Variants in ANKRD11 observed in about 807,000 individuals in gnomAD.
The protein encoded by ANKRD11 is ankyrin repeat domain 11.
In ANKRD11, 17 loss-of-function variants were observed where a neutral mutation model predicts 195.7. That is an observed-to-expected ratio of 0.09 (90% CI 0.06 to 0.13). The LOEUF (loss-of-function observed/expected upper bound fraction) is 0.13, where lower values mean the gene tolerates loss of function less well. Among genes scored for constraint, ANKRD11 ranks in the 10% least tolerant of loss-of-function variants. The pLI is 1.00. For synonymous variants in ANKRD11, 1,953 were observed against 1,528.1 expected (o/e 1.28, Z -6.49); for missense variants, 3,735 against 3,566.1 (o/e 1.05, Z -1.21).
chr16:89,284,218 T>G lies in ANKRD11; in HGVS notation c.2324A>C (p.Lys775Thr). Reference protein sequence around the residue: ...RKKKSKDRPSKLEKKNDLKED... With the variant: ...RKKKSKDRPSTLEKKNDLKED... Reference sequence around the variant, plus strand: ...TTTTAAATCATTCTTCTTCTCTAATTTTGAGGGCCGGTCTTTTGATTTCTT... The same window carrying G: ...TTTTAAATCATTCTTCTTCTCTAATGTTGAGGGCCGGTCTTTTGATTTCTT... Residue 775 changes from lysine (K) to threonine (T), a missense_variant, in exon 9 of 13, where the codon AAA becomes ACA. By Grantham distance (78) the Lys-to-Thr change is moderately conservative. Coordinates refer to ENST00000301030, the MANE Select transcript of ANKRD11 (RefSeq NM_013275.6). The G allele has an allele frequency of 6.2e-7, 1 of 1,612,622 alleles. No homozygotes were observed.
At chr16:89,451,934 T>C (rs1243320721) in intron 1 of ANKRD11, among the ~76,000 whole-genome samples, 1 of 152,172 alleles carries the variant, frequency 6.6e-6, no homozygotes, top group Non-Finnish European at 1.5e-5. Flanking sequence ...AACATGTGTC[T>C]AGACGTTCAA....
chr16:89,432,664 A>G (rs1206839754), intron 1 of ANKRD11, among the ~76,000 whole-genome samples: 4 of 152,220 alleles, frequency 2.6e-5, no homozygotes, highest in Non-Finnish European at 5.9e-5. Flanking sequence ...CTATGTCACC[A>G]CCATACCCGA....
chr16:89,315,028 C>A (rs149296984), intron 3 of ANKRD11, among the ~76,000 whole-genome samples: 261 of 152,318 alleles, frequency 1.7e-3, no homozygotes, highest in Non-Finnish European at 1.3e-3. Context: ...GTTCTGAGGT[C>A]CTGGGACCCC....
At position 89,306,663 on chromosome 16, in the gene ANKRD11, TGCAGACACGTGCCACCTCCCACTCC is replaced by T. The variant is rs71809120; in HGVS notation, c.88-1344_88-1320del. On this transcript the variant is annotated intron_variant, in intron 3 of 12. Transcript: ENST00000301030. ...CGCAGACACGCACCACCTCCCACTG[TGCAGACACGTGCCACCTCCCACTCC>T]GCAGACACGTGCCACCTCCCACTCC... Among the ~76,000 whole-genome samples, 157 of 34,712 alleles carry T rather than the reference TGCAGACACGTGCCACCTCCCACTCC, an allele frequency of 4.5e-3. 21 individuals are homozygous for T. The highest frequency in any genetic ancestry group is 0.036 in the Middle Eastern group (1 of 28). The allele number at this position is 34,712 out of a possible 152,430, so 22.8% of individuals were successfully genotyped here.
At chr16:89,443,256 C>G (rs528681643) in intron 1 of ANKRD11, 1 of 152,318 alleles carries the variant, frequency 6.6e-6, no homozygotes, top group East Asian at 1.9e-4. Flanking sequence ...TGAGCCACCT[C>G]ACCCGGCCTC....
intron 7 of ANKRD11, chr16:89,287,946 A>T: frequency 2.2e-6 from 1 of 449,152 alleles, no homozygotes; most frequent in Middle Eastern, 5.8e-4. Flanking sequence ...TGATGAAGAC[A>T]TCAGTGAGAC....
At chr16:89,410,605 A>C (rs1195704392) in intron 2 of ANKRD11, among the ~76,000 whole-genome samples, 2 of 152,214 alleles carry the variant, frequency 1.3e-5, no homozygotes, top group African/African-American at 2.4e-5. Context: ...AGGTCCCTAA[A>C]GCAGTTGCTA....
intron 2 of ANKRD11, among the ~76,000 whole-genome samples, chr16:89,356,352 G>C (rs2039472245): frequency 2.6e-5 from 4 of 151,770 alleles, no homozygotes; most frequent in Admixed American, 2.6e-4. Flanking sequence ...AGGTGAGAAG[G>C]ATGTGATCCA....
chr16:89,332,515 C>T lies in ANKRD11; in HGVS notation c.-59-15437G>A, dbSNP rs562684826. 5.9e-5 allele frequency among the ~76,000 whole-genome samples: 9 copies of T among 152,370 alleles called. No homozygotes were observed. The East Asian group carries it at 1.5e-3, about 26-fold the overall frequency. Reference sequence around the variant, plus strand: ...GACAAATGCAAGAAAACAGCCTCGTCTGCTCACTGATTCTCACCAACTTCC... The same window carrying T: ...GACAAATGCAAGAAAACAGCCTCGTTTGCTCACTGATTCTCACCAACTTCC... On this transcript the variant is annotated intron_variant, in intron 2 of 12. Transcript: ENST00000301030.
chr16:89,363,586 C>T (rs2039823820), intron 2 of ANKRD11, among the ~76,000 whole-genome samples: 1 of 152,132 alleles, frequency 6.6e-6, no homozygotes, highest in African/African-American at 2.4e-5. Context: ...GAGAAACCAC[C>T]AAAACTTTCT....
In ANKRD11 at chr16:89,282,335, C is replaced by G. The variant is rs542863039; in HGVS notation, c.4207G>C (p.Gly1403Arg). Residue 1403 changes from glycine (G) to arginine (R), a missense_variant, in exon 9 of 13, where the codon GGA becomes CGA. Coordinates refer to ENST00000301030, the MANE Select transcript of ANKRD11 (RefSeq NM_013275.6). ...TCAGCTTTCATGTTGTAAGAAACTC[C>G]GTAAGCATCCGCCTCCAGGAAGTCC... Reference protein sequence around the residue: ...EKDFLEADAYGVSYNMKADIE... With the variant: ...EKDFLEADAYRVSYNMKADIE... 2 of 1,614,172 alleles carry G rather than the reference C, an allele frequency of 1.2e-6. No individual in the cohort carries two copies. Among genetic ancestry groups the G allele is most frequent in the Admixed American group, 1.7e-5 (1 of 60,016 alleles).
At chr16:89,424,836 C>G (rs1167125993) in intron 1 of ANKRD11, among the ~76,000 whole-genome samples, 1 of 152,062 alleles carries the variant, frequency 6.6e-6, no homozygotes, top group Admixed American at 6.5e-5. Flanking sequence ...GGGACGGGGG[C>G]CCCCAGTGGT....
chr16:89,416,705 G>C (rs1462725148), intron 2 of ANKRD11, among the ~76,000 whole-genome samples: 2 of 151,668 alleles, frequency 1.3e-5, no homozygotes, highest in Admixed American at 6.6e-5. Flanking sequence ...TGAGGCAGGA[G>C]GATTGCTTGA....
intron 2 of ANKRD11, among the ~76,000 whole-genome samples, chr16:89,415,389 C>T (rs1241794403): frequency 3.3e-5 from 5 of 150,082 alleles, no homozygotes; most frequent in Admixed American, 2.7e-4. Flanking sequence ...CTCAGCCTCC[C>T]GAGTAGCTGG....
chr16:89,447,990 A>T (rs930010159), intron 1 of ANKRD11, among the ~76,000 whole-genome samples: 5 of 151,436 alleles, frequency 3.3e-5, no homozygotes, highest in Admixed American at 2.0e-4. Flanking sequence ...TTTTTAGTAG[A>T]GACAGGGTTT....
intron 1 of ANKRD11, among the ~76,000 whole-genome samples, chr16:89,485,594 G>A (rs1204367133): frequency 6.6e-6 from 1 of 152,062 alleles, no homozygotes; most frequent in Non-Finnish European, 1.5e-5. Flanking sequence ...GCCCCTTACT[G>A]TAAACCCAAA....
chr16:89,381,331 C>CAAA (rs10567322), intron 2 of ANKRD11, among the ~76,000 whole-genome samples: 18 of 76,354 alleles, frequency 2.4e-4, no homozygotes, highest in African/African-American at 4.0e-4. Context: ...GACTCTGCTG[C>CAAA]AAAAAAAAAA....
At chr16:89,451,885 T>C (rs2044091300) in intron 1 of ANKRD11, among the ~76,000 whole-genome samples, 1 of 152,200 alleles carries the variant, frequency 6.6e-6, no homozygotes, top group Non-Finnish European at 1.5e-5. Context: ...ACCTAAAGTT[T>C]AGGGTACAAG....
chr16:89,401,063 C>G (rs867198819), intron 2 of ANKRD11, among the ~76,000 whole-genome samples: 42 of 152,242 alleles, frequency 2.8e-4, no homozygotes, highest in Middle Eastern at 6.8e-3. Context: ...CAAGTTGTCT[C>G]AGTAATGTTA....
Sources: gnomAD v4.1 joint callset for allele counts (sites outside exome capture counted in the v4.1 genomes callset) on GRCh38, gnomAD v4.1.1 for gene constraint, MANE v1.5 for transcripts, NCBI Gene and HGNC (gene_info 2026-07-23, HGNC 2026-07-21) for gene names.